MAPK8: variants seen among roughly 807,000 people sequenced by gnomAD.
MAPK8 encodes the protein mitogen-activated protein kinase 8, also known as JUN N-terminal kinase.
MAPK8 carries 13 observed loss-of-function variants against 52.9 expected under a neutral mutation model. The observed-to-expected ratio is 0.25, with a 90% CI of 0.16 to 0.39. The LOEUF is 0.39. MAPK8 is among the 10% of genes least tolerant of loss of function. MAPK8 has a pLI of 1.00. For missense variants in MAPK8, 300 were observed against 519.2 expected, an observed-to-expected ratio of 0.58 and a Z score of 4.10; for synonymous variants, 191 against 169.8, an observed-to-expected ratio of 1.12 and a Z score of -0.97.
intron 1 of MAPK8, among the ~76,000 whole-genome samples, chr10:48,345,346 A>G (rs1845667543): frequency 6.6e-6 from 1 of 152,184 alleles, no homozygotes; most frequent in Non-Finnish European, 1.5e-5. Flanking sequence ...GTCACTTGGC[A>G]TACAGTTCTC....
chr10:48,356,841 CAAAAAAAAAAAAAAAAAAAAAAAAAA>C (rs869186711), intron 1 of MAPK8, among the ~76,000 whole-genome samples: 1 of 30,268 alleles, frequency 3.3e-5, no homozygotes, highest in African/African-American at 9.8e-5. Context: ...GACTCCGTCT[CAAAAAAAAAAAAAAAAAAAAAAAAAA>C]AAAAAAAAAA....
At chr10:48,348,081 G>A (rs1368886105) in intron 1 of MAPK8, among the ~76,000 whole-genome samples, 1 of 152,056 alleles carries the variant, frequency 6.6e-6, no homozygotes, top group Non-Finnish European at 1.5e-5. Flanking sequence ...TTTAATGTTC[G>A]CCATTCTAAC....
chr10:48,375,108 CA>C (rs1340108061), intron 1 of MAPK8, among the ~76,000 whole-genome samples: 2 of 152,138 alleles, frequency 1.3e-5, no homozygotes, highest in African/African-American at 4.8e-5. Flanking sequence ...AAACATAATC[CA>C]TCATTATAAA....
intron 1 of MAPK8, among the ~76,000 whole-genome samples, chr10:48,359,782 A>G (rs970900158): frequency 1.3e-5 from 2 of 152,214 alleles, no homozygotes; most frequent in African/African-American, 4.8e-5. Flanking sequence ...AAATACCTCT[A>G]TGTAAAAGCC....
At chr10:48,374,900 C>T (rs1036027528) in intron 1 of MAPK8, among the ~76,000 whole-genome samples, 3 of 152,174 alleles carry the variant, frequency 2.0e-5, no homozygotes, top group Non-Finnish European at 4.4e-5. Context: ...AGGCCAGAAT[C>T]ATCCTGATAC....
intron 1 of MAPK8, among the ~76,000 whole-genome samples, chr10:48,312,307 A>G (rs1842053372): frequency 6.6e-6 from 1 of 152,236 alleles, no homozygotes; most frequent in African/African-American, 2.4e-5. Flanking sequence ...CTGACAGTAG[A>G]AAAGATGCTA....
At chr10:48,371,772 T>C (rs1023409113) in intron 1 of MAPK8, among the ~76,000 whole-genome samples, 11 of 152,142 alleles carry the variant, frequency 7.2e-5, no homozygotes, top group Admixed American at 6.6e-5. Context: ...CAGGCATAAG[T>C]TGTAGCCTTG....
intron 1 of MAPK8, among the ~76,000 whole-genome samples, chr10:48,331,064 A>G (rs573833981): frequency 9.2e-5 from 14 of 152,126 alleles, no homozygotes; most frequent in Non-Finnish European, 2.1e-4. Context: ...TTTATTCTTC[A>G]AGGGTCTCCA....
Position 48,427,060 on chromosome 10 carries a change from T to G in MAPK8, c.997-20T>G. ...ACTCCCAGCATACTGACTTGGTTAT[T>G]ATTGCCTTGTGTTTTTCAGCCACCA... On this transcript the variant is annotated intron_variant, in intron 9 of 11. Transcript: ENST00000374189. 2 of 1,603,620 alleles carry G rather than the reference T, an allele frequency of 1.2e-6. No homozygotes were observed. Among genetic ancestry groups the G allele is most frequent in the Non-Finnish European group, 8.5e-7 (1 of 1,171,066 alleles).
At chr10:48,326,760 T>C (rs942490955) in intron 1 of MAPK8, among the ~76,000 whole-genome samples, 9 of 152,196 alleles carry the variant, frequency 5.9e-5, no homozygotes, top group Non-Finnish European at 1.3e-4. Context: ...TCTATTACCA[T>C]ACGGATCATT....
chr10:48,409,989 C>T, intron 4 of MAPK8, 41 bp from the exon 5 acceptor site: 1 of 1,607,496 alleles, frequency 6.2e-7, no homozygotes, highest in East Asian at 2.2e-5. Flanking sequence ...TCTTAGATTG[C>T]TGCTGGACAC....
At chr10:48,359,368 A>T (rs2132514191) in intron 1 of MAPK8, among the ~76,000 whole-genome samples, 1 of 152,114 alleles carries the variant, frequency 6.6e-6, no homozygotes, top group East Asian at 1.9e-4. Context: ...TGTAATTCGG[A>T]TACATTTAGT....
chr10:48,381,300 T>G (rs1054673081), intron 1 of MAPK8, among the ~76,000 whole-genome samples: 1 of 152,216 alleles, frequency 6.6e-6, no homozygotes, highest in Non-Finnish European at 1.5e-5. Flanking sequence ...ATGTAAATTT[T>G]GAAACAATCT....
chr10:48,405,655 G>A (rs1321222125), intron 3 of MAPK8, among the ~76,000 whole-genome samples: 1 of 152,162 alleles, frequency 6.6e-6, no homozygotes, highest in East Asian at 1.9e-4. Flanking sequence ...TTGTTCTAAT[G>A]GAATGATTTC....
intron 1 of MAPK8, among the ~76,000 whole-genome samples, chr10:48,322,904 G>A (rs1843129503): frequency 1.3e-5 from 2 of 152,090 alleles, no homozygotes; most frequent in African/African-American, 2.4e-5. Context: ...TTTTTTCTGG[G>A]GACTTGGGCA....
At chr10:48,337,984 C>G (rs1166289225) in intron 1 of MAPK8, among the ~76,000 whole-genome samples, 1 of 151,968 alleles carries the variant, frequency 6.6e-6, no homozygotes. Context: ...AGCCCTGAAC[C>G]AAAAGGATTC....
intron 1 of MAPK8, among the ~76,000 whole-genome samples, chr10:48,318,854 G>GCCT (rs1269517355): frequency 2.0e-5 from 3 of 152,224 alleles, no homozygotes; most frequent in Non-Finnish European, 4.4e-5. Flanking sequence ...AACAGGCTAA[G>GCCT]TTTGCTTGTC....
At chr10:48,354,010 AC>A (rs1846596433) in intron 1 of MAPK8, among the ~76,000 whole-genome samples, 1 of 152,182 alleles carries the variant, frequency 6.6e-6, no homozygotes, top group African/African-American at 2.4e-5. Flanking sequence ...ACATAGCTAT[AC>A]ACACACACTG....
chr10:48,335,741 A>G (rs1347889698), intron 1 of MAPK8, among the ~76,000 whole-genome samples: 1 of 152,222 alleles, frequency 6.6e-6, no homozygotes, highest in Non-Finnish European at 1.5e-5. Context: ...ACTTCAGTAT[A>G]TAGCAACAGT....
Sources: gnomAD v4.1 joint callset for allele counts (sites outside exome capture counted in the v4.1 genomes callset) on GRCh38, gnomAD v4.1.1 for gene constraint, MANE v1.5 for transcripts, NCBI Gene and HGNC (gene_info 2026-07-23, HGNC 2026-07-21) for gene names.